ETV6: variants seen among roughly 807,000 people sequenced by gnomAD.
ETV6 encodes transcription factor ETV6.
A neutral mutation model predicts 51.1 loss-of-function variants in ETV6; 16 were observed. The observed-to-expected ratio is 0.31, with a 90% CI of 0.21 to 0.48. The LOEUF is 0.48. ETV6 is among the 20% of genes least tolerant of loss of function. The pLI is 0.99. For synonymous variants in ETV6, 240 were observed against 224.1 expected (o/e 1.07, Z -0.64); for missense variants, 458 against 594.8 (o/e 0.77, Z 2.39).
At chr12:11,831,148 A>C (rs1022079350) in intron 2 of ETV6, among the ~76,000 whole-genome samples, 1 of 152,080 alleles carries the variant, frequency 6.6e-6, no homozygotes, top group African/African-American at 2.4e-5. Context: ...TGATGAGGCG[A>C]TATTGGGGAT....
chr12:11,812,463 GCTCA>G (rs1053458898), intron 2 of ETV6, among the ~76,000 whole-genome samples: 3 of 152,134 alleles, frequency 2.0e-5, no homozygotes, highest in Non-Finnish European at 2.9e-5. Flanking sequence ...CTCCCCCTGT[GCTCA>G]CTCACATACT....
chr12:11,890,163 A>G (rs1055404857), intron 7 of ETV6, among the ~76,000 whole-genome samples: 60 of 150,328 alleles, frequency 4.0e-4, no homozygotes, highest in African/African-American at 1.3e-3. Context: ...ATTTTCCAGA[A>G]GCTCCACTAA....
At chr12:11,758,473 A>G (rs1281494818) in intron 2 of ETV6, among the ~76,000 whole-genome samples, 3 of 152,120 alleles carry the variant, frequency 2.0e-5, no homozygotes, top group African/African-American at 7.2e-5. Flanking sequence ...TATTATTGAG[A>G]CTAATCTTCC....
chr12:11,891,001 G>C lies in ETV6; in HGVS notation c.1314G>C (p.Glu438Asp). The change falls in exon 8 of 8, where the codon GAG becomes GAC. Residue 438 changes from glutamate to aspartate, a missense_variant. This residue lies in a region of ETV6 where 55 missense variants were observed against 151.2 expected (regional missense o/e 0.36). Coordinates refer to ENST00000396373, the MANE Select transcript of ETV6 (RefSeq NM_001987.5). ...GAACAGACCGTCTGGAGCACCTAGA[G>C]TCCCAGGAGCTGGATGAACAAATAT... is the stretch of plus-strand genomic sequence containing the variant. ...SGRTDRLEHLESQELDEQIYQ... is the reference protein window; with the variant it reads ...SGRTDRLEHLDSQELDEQIYQ... The C allele has an allele frequency of 6.2e-7, 1 of 1,613,908 alleles. No homozygotes were observed. Among genetic ancestry groups the C allele is most frequent in the Non-Finnish European group, 8.5e-7 (1 of 1,179,842 alleles).
At chr12:11,669,968 GC>G (rs1864282149) in intron 1 of ETV6, among the ~76,000 whole-genome samples, 1 of 150,826 alleles carries the variant, frequency 6.6e-6, no homozygotes, top group South Asian at 2.1e-4. Context: ...CCATCTTCTT[GC>G]CCTTCTCTCT....
intron 2 of ETV6, among the ~76,000 whole-genome samples, chr12:11,795,730 G>A (rs151168298): frequency 1.3e-5 from 2 of 152,278 alleles, no homozygotes; most frequent in Non-Finnish European, 2.9e-5. Flanking sequence ...TTGTACAGTG[G>A]GCAATAACAT....
chr12:11,778,980 A>G (rs1945374332), intron 2 of ETV6, among the ~76,000 whole-genome samples: 1 of 152,242 alleles, frequency 6.6e-6, no homozygotes, highest in Admixed American at 6.5e-5. Context: ...GCAAACAACC[A>G]AAACCAGATT....
At chr12:11,812,115 T>G (rs1159255660) in intron 2 of ETV6, among the ~76,000 whole-genome samples, 2 of 152,192 alleles carry the variant, frequency 1.3e-5, no homozygotes, top group Non-Finnish European at 2.9e-5. Flanking sequence ...AATAAGATAT[T>G]TATTAGGAGT....
intron 1 of ETV6, among the ~76,000 whole-genome samples, chr12:11,692,655 A>G (rs1864789909): frequency 6.6e-6 from 1 of 152,114 alleles, no homozygotes; most frequent in African/African-American, 2.4e-5. Flanking sequence ...ATTTAGCATC[A>G]TCTACCAGGA....
intron 1 of ETV6, chr12:11,750,819 C>CT: frequency 8.4e-6 from 2 of 238,194 alleles, no homozygotes; most frequent in East Asian, 1.0e-4. Context: ...TTTTTTTTTG[C>CT]TTTTTTCATC....
At chr12:11,742,652 G>T (rs1022869672) in intron 1 of ETV6, among the ~76,000 whole-genome samples, 1 of 152,100 alleles carries the variant, frequency 6.6e-6, no homozygotes, top group Non-Finnish European at 1.5e-5. Context: ...ATAAAGACAA[G>T]TTTAATTCTT....
chr12:11,742,036 C>T (rs1865820998), intron 1 of ETV6, among the ~76,000 whole-genome samples: 1 of 152,218 alleles, frequency 6.6e-6, no homozygotes, highest in Non-Finnish European at 1.5e-5. Flanking sequence ...GAATTGTTAG[C>T]TGATCTTGAG....
At chr12:11,678,548 C>T (rs1434247244) in intron 1 of ETV6, among the ~76,000 whole-genome samples, 1 of 152,118 alleles carries the variant, frequency 6.6e-6, no homozygotes, top group African/African-American at 2.4e-5. Context: ...TTTTCTGCTC[C>T]GATTATATCC....
chr12:11,886,331 A>G (rs1947182840), intron 7 of ETV6, among the ~76,000 whole-genome samples: 2 of 152,354 alleles, frequency 1.3e-5, no homozygotes, highest in African/African-American at 2.4e-5. Context: ...CACAAAGTCA[A>G]TGGCAAAACA....
At chr12:11,849,095 A>G (rs185577073) in intron 3 of ETV6, among the ~76,000 whole-genome samples, 133 of 149,630 alleles carry the variant, frequency 8.9e-4, no homozygotes, top group African/African-American at 3.1e-3. Flanking sequence ...TTTATCCCAG[A>G]GACTGTTTTG....
chr12:11,732,186 T>C lies in ETV6; in HGVS notation c.34-20264T>C, dbSNP rs1865612146. On this transcript the variant is annotated intron_variant, in intron 1 of 7. Transcript: ENST00000396373. ...AACACTGAGCACACAGTCGCAGAAC[T>C]AGTGCAGTTCGAGGTACGTGGAAAT... Among the ~76,000 whole-genome samples, 5 of 152,342 alleles carry C rather than the reference T, an allele frequency of 3.3e-5. No individual in the cohort carries two copies. In the South Asian group the frequency reaches 1.0e-3, roughly 32 times the overall value.
At chr12:11,777,316 C>G (rs1243094581) in intron 2 of ETV6, among the ~76,000 whole-genome samples, 1 of 151,310 alleles carries the variant, frequency 6.6e-6, no homozygotes, top group Non-Finnish European at 1.5e-5. Context: ...GTACAAATCT[C>G]TCTCTTCAGA....
intron 3 of ETV6, among the ~76,000 whole-genome samples, chr12:11,850,969 C>T (rs1946544339): frequency 6.6e-6 from 1 of 152,234 alleles, no homozygotes; most frequent in African/African-American, 2.4e-5. Flanking sequence ...GCTTCTTGAC[C>T]TTTCCCTCCT....
rs1270874672 is a variant in ETV6, at chr12:11,893,792, T to C, written c.*2746T>C. 1 of 42,142 alleles carries C rather than the reference T, an allele frequency of 2.4e-5. No homozygotes were observed. The highest frequency in any genetic ancestry group is 1.2e-4 in the African/African-American group (1 of 8,544). The allele number at this position is 42,142 out of a possible 1,614,324, so 2.6% of individuals were successfully genotyped here. ...TTGTGTCCATCCCCAAGATCTCTCA[T>C]TTTATATATATATATATATATATAT... On this transcript the variant is annotated 3_prime_UTR_variant, in exon 8 of 8. Transcript: ENST00000396373.
Sources: allele counts gnomAD v4.1 joint callset (sites outside exome capture counted in the v4.1 genomes callset), GRCh38; gene constraint gnomAD v4.1.1; regional missense constraint gnomAD v4.1.1; transcripts MANE v1.5; gene names NCBI Gene and HGNC (gene_info 2026-07-23, HGNC 2026-07-21).